DPP10: variants seen among roughly 807,000 people sequenced by gnomAD.
The protein encoded by DPP10 is dipeptidyl peptidase like 10, also known as inactive dipeptidyl peptidase 10.
DPP10 carries 33 observed loss-of-function variants against 120.9 expected under a neutral mutation model. That is an observed-to-expected ratio of 0.27 (90% CI 0.21 to 0.37). The LOEUF is 0.37. Ranked by LOEUF, DPP10 falls within the 10% of genes least tolerant of loss-of-function variation. The probability of loss-of-function intolerance (pLI) is 1.00; values close to 1 mark genes in which losing one functional copy is unlikely to be tolerated. For missense variants in DPP10, 816 were observed against 942.8 expected (o/e 0.87, Z 1.76); for synonymous variants, 337 against 326.1 (o/e 1.03, Z -0.36).
chr2:115,064,691 G>T (rs1041766451), intron 1 of DPP10: 1 of 1,300,126 alleles, frequency 7.7e-7, no homozygotes, highest in Admixed American at 2.3e-5. Flanking sequence ...GCAAGGAACT[G>T]ACATTGAAGT....
chr2:114,452,037 A>G (rs186601064), intron 1 of DPP10, among the ~76,000 whole-genome samples: 17 of 152,320 alleles, frequency 1.1e-4, no homozygotes, highest in Non-Finnish European at 2.2e-4. Context: ...ATACTAATTT[A>G]GTGGTAGCCT....
At chr2:115,556,139 T>C (rs1026959634) in intron 5 of DPP10, among the ~76,000 whole-genome samples, 3 of 152,140 alleles carry the variant, frequency 2.0e-5, no homozygotes, top group African/African-American at 7.2e-5. Flanking sequence ...TTCTTTCTAA[T>C]GCTTTTTACT....
intron 17 of DPP10, among the ~76,000 whole-genome samples, chr2:115,783,146 A>G (rs762382004): frequency 1.5e-4 from 23 of 152,058 alleles, no homozygotes; most frequent in Non-Finnish European, 2.9e-4. Context: ...ATAAGCTACT[A>G]TAATCTAATA....
chr2:115,532,358 C>G (rs72961511), intron 5 of DPP10, among the ~76,000 whole-genome samples: 2,622 of 152,016 alleles, frequency 0.017, 76 homozygotes, highest in African/African-American at 0.059. Context: ...TTTCTTAGCT[C>G]CAAAGTCCCT....
chr2:115,324,652 T>G (rs983694511), intron 2 of DPP10, among the ~76,000 whole-genome samples: 2 of 152,188 alleles, frequency 1.3e-5, no homozygotes, highest in Admixed American at 1.3e-4. Flanking sequence ...ATATCAACAA[T>G]AAGCCTGTTT....
intron 1 of DPP10, among the ~76,000 whole-genome samples, chr2:114,631,358 G>A (rs893918703): frequency 6.6e-6 from 1 of 151,986 alleles, no homozygotes; most frequent in Non-Finnish European, 1.5e-5. Context: ...TGCAGGCCAC[G>A]TTCCCCTGCT....
At chr2:115,593,616 A>G (rs1417957673) in intron 5 of DPP10, among the ~76,000 whole-genome samples, 1 of 152,212 alleles carries the variant, frequency 6.6e-6, no homozygotes, top group African/African-American at 2.4e-5. Context: ...ACAAGTAAAG[A>G]ATTCAGAATT....
At chr2:115,281,052 C>T (rs2060136953) in intron 1 of DPP10, among the ~76,000 whole-genome samples, 1 of 152,110 alleles carries the variant, frequency 6.6e-6, no homozygotes, top group Non-Finnish European at 1.5e-5. Flanking sequence ...TCACCTAGAC[C>T]ATACACAAGA....
chr2:114,567,281 G>A (rs989696218), intron 1 of DPP10, among the ~76,000 whole-genome samples: 11 of 152,156 alleles, frequency 7.2e-5, no homozygotes, highest in African/African-American at 2.7e-4. Context: ...CTGTGAGTAT[G>A]CTGTCTTACA....
intron 1 of DPP10, among the ~76,000 whole-genome samples, chr2:114,782,705 T>C (rs1458048225): frequency 6.6e-6 from 1 of 152,132 alleles, no homozygotes; most frequent in Non-Finnish European, 1.5e-5. Context: ...AGTAAGTGGA[T>C]AGTGACTATA....
At position 114,941,878 on chromosome 2, in the gene DPP10, A is replaced by C. The variant is rs185564612; in HGVS notation, c.61-367361A>C. Reference sequence around the variant, plus strand: ...GAGGACGTGGTAAAATTTCAGAACTATGTATTCAGAAAGGCTTTGGGAAAA... The same window carrying C: ...GAGGACGTGGTAAAATTTCAGAACTCTGTATTCAGAAAGGCTTTGGGAAAA... On this transcript the variant is annotated intron_variant, in intron 1 of 25. Coordinates refer to ENST00000410059, the MANE Select transcript of DPP10 (RefSeq NM_020868.6). Among the ~76,000 whole-genome samples the C allele has an allele frequency of 6.1e-4, 93 of 152,268 alleles. 2 individuals carry two copies. The East Asian group carries it at 0.017, about 28-fold the overall frequency.
intron 5 of DPP10, among the ~76,000 whole-genome samples, chr2:115,572,189 T>G (rs1378014538): frequency 1.3e-5 from 2 of 150,040 alleles, no homozygotes; most frequent in East Asian, 4.0e-4. Flanking sequence ...TGCTAAAGAC[T>G]TACCATAACT....
intron 1 of DPP10, among the ~76,000 whole-genome samples, chr2:115,187,245 C>T (rs1366806039): frequency 1.3e-5 from 2 of 150,720 alleles, no homozygotes; most frequent in East Asian, 4.0e-4. Context: ...ACCTTGTTAG[C>T]CAGGATGGTC....
intron 1 of DPP10, among the ~76,000 whole-genome samples, chr2:115,159,741 C>T (rs1180764490): frequency 1.3e-5 from 2 of 152,162 alleles, no homozygotes; most frequent in African/African-American, 4.8e-5. Flanking sequence ...CATACACACA[C>T]AGACCCCCAC....
chr2:115,247,408 A>G (rs2058581734), intron 1 of DPP10, among the ~76,000 whole-genome samples: 2 of 152,292 alleles, frequency 1.3e-5, no homozygotes, highest in Admixed American at 6.5e-5. Flanking sequence ...CAGTTGAATC[A>G]TGAATAGTGA....
chr2:115,499,658 C>A, intron 4 of DPP10, 54 bp downstream of exon 4: 1 of 1,341,260 alleles, frequency 7.5e-7, no homozygotes, highest in South Asian at 1.3e-5. Context: ...TTAGAAAGCT[C>A]TCTAGATGTA....
At chr2:114,690,351 A>G (rs924672610) in intron 1 of DPP10, among the ~76,000 whole-genome samples, 2 of 151,998 alleles carry the variant, frequency 1.3e-5, no homozygotes, top group Non-Finnish European at 2.9e-5. Context: ...TCCTTTCCCC[A>G]TTGCTTATTT....
intron 1 of DPP10, among the ~76,000 whole-genome samples, chr2:114,777,491 C>T (rs1200177584): frequency 6.6e-6 from 1 of 150,944 alleles, no homozygotes; most frequent in East Asian, 1.9e-4. Flanking sequence ...GGCAACCTCC[C>T]TATTTCAGTC....
chr2:114,631,170 C>T (rs1167322211), intron 1 of DPP10, among the ~76,000 whole-genome samples: 1 of 152,032 alleles, frequency 6.6e-6, no homozygotes, highest in Non-Finnish European at 1.5e-5. Context: ...GGTGAGAAAA[C>T]CTCAACAGAA....
Sources: gnomAD v4.1 joint callset for allele counts (sites outside exome capture counted in the v4.1 genomes callset) on GRCh38, gnomAD v4.1.1 for gene constraint, MANE v1.5 for transcripts, NCBI Gene and HGNC (gene_info 2026-07-23, HGNC 2026-07-21) for gene names.